The following NFIC variants were observed in gnomAD, a reference collection of about 807,000 sequenced individuals.
The protein encoded by NFIC is nuclear factor I C.
In NFIC, 12 loss-of-function variants were observed where a neutral mutation model predicts 54.4. The observed-to-expected ratio is 0.22, with a 90% CI of 0.14 to 0.36. The LOEUF is 0.36. NFIC is among the 10% of genes least tolerant of loss of function. The pLI is 1.00. For synonymous variants in NFIC, 322 were observed against 319.2 expected, an observed-to-expected ratio of 1.01 and a Z score of -0.09; for missense variants, 575 against 718.2, an observed-to-expected ratio of 0.80 and a Z score of 2.28.
At chr19:3,428,955 G>A (rs1218449680) in intron 3 of NFIC, among the ~76,000 whole-genome samples, 1 of 151,970 alleles carries the variant, frequency 6.6e-6, no homozygotes, top group African/African-American at 2.4e-5. Context: ...TCCCAGCGCG[G>A]GGCAGGGTTG....
At chr19:3,359,659 G>GCCTCGCCT in exon 1 of NFIC, 1 of 1,400,276 alleles carries the variant, frequency 7.1e-7, no homozygotes, top group Non-Finnish European at 9.4e-7. Flanking sequence ...TCCGGCGCCG[G>GCCTCGCCT]CCTCGCCTCC....
chr19:3,405,501 T>G (rs2081633650), intron 2 of NFIC, among the ~76,000 whole-genome samples: 1 of 152,136 alleles, frequency 6.6e-6, no homozygotes, highest in Non-Finnish European at 1.5e-5. Context: ...TGACAGCTGC[T>G]TCCCTCCTTA....
chr19:3,403,415 A>C (rs1390549928), intron 2 of NFIC, among the ~76,000 whole-genome samples: 1 of 152,178 alleles, frequency 6.6e-6, no homozygotes, highest in Non-Finnish European at 1.5e-5. Flanking sequence ...AGAACACTCC[A>C]CAATCTGATG....
At chr19:3,417,891 G>A (rs1172303049) in intron 2 of NFIC, among the ~76,000 whole-genome samples, 1 of 150,744 alleles carries the variant, frequency 6.6e-6, no homozygotes, top group Non-Finnish European at 1.5e-5. Flanking sequence ...GCCCGCCTCG[G>A]CCTGTCAGAG....
chr19:3,440,176 T>A lies in NFIC; in HGVS notation c.958+4969T>A, dbSNP rs550896400. 2.6e-3 allele frequency among the ~76,000 whole-genome samples: 399 copies of A among 151,664 alleles called. 1 individual carries two copies. Among genetic ancestry groups the A allele is most frequent in the African/African-American group, 9.2e-3 (381 of 41,314 alleles). The stretch of plus-strand genomic sequence containing the variant: ...GCAGGGAGAATCGTGGTTTGAGGAG[T>A]TGCACTGTGGATGTTTGGGGCCAGA... On this transcript the variant is annotated intron_variant, in intron 6 of 10. Transcript: ENST00000443272.
chr19:3,414,659 C>G (rs2081822435), intron 2 of NFIC, among the ~76,000 whole-genome samples: 2 of 150,798 alleles, frequency 1.3e-5, no homozygotes, highest in Non-Finnish European at 2.9e-5. Flanking sequence ...AAGGAAAAGA[C>G]CATACTTAGC....
chr19:3,453,758 C>T lies in NFIC; in HGVS notation c.1270-5C>T. Reference sequence around the variant, plus strand: ...CCTTAACCACGTGTCTCTCTGTTCCCCCAGTTAAATGGAAGTGGTCAGCTC... The same window carrying T: ...CCTTAACCACGTGTCTCTCTGTTCCTCCAGTTAAATGGAAGTGGTCAGCTC... On this transcript the variant is annotated splice_polypyrimidine_tract_variant and splice_region_variant and intron_variant, in intron 8 of 10. Transcript: ENST00000443272. This position sits in a 1 kb window ranked among gnomAD's most constrained non-coding sequence, Gnocchi z 6.7. 3.1e-6 allele frequency: 5 copies of T among 1,599,844 alleles called. No homozygotes were observed. Among genetic ancestry groups the T allele is most frequent in the Non-Finnish European group, 3.4e-6 (4 of 1,174,396 alleles).
rs1438512273 is a variant in NFIC, at chr19:3,466,558, C to G, written c.*3789C>G. The stretch of plus-strand genomic sequence containing the variant: ...TCCCCAGGCGATACAGAGGGAGAGC[C>G]CAGACCACCACAGCTGGCCACGACA... On this transcript the variant is annotated 3_prime_UTR_variant, in exon 11 of 11. Coordinates refer to ENST00000443272, the MANE Select transcript of NFIC (RefSeq NM_001245002.2). This position sits in a 1 kb window ranked among gnomAD's most constrained non-coding sequence, Gnocchi z 4.8. The G allele has an allele frequency of 6.6e-6, 1 of 152,248 alleles. No individual in the cohort carries two copies. Among genetic ancestry groups the G allele is most frequent in the Non-Finnish European group, 1.5e-5 (1 of 68,092 alleles). 9.4% of individuals were successfully genotyped at this position (152,248 alleles called of 1,614,324 possible).
At chr19:3,398,671 G>T (rs1326436792) in intron 2 of NFIC, among the ~76,000 whole-genome samples, 1 of 151,906 alleles carries the variant, frequency 6.6e-6, no homozygotes, top group East Asian at 1.9e-4. Context: ...GGGTGGCTAC[G>T]ACGCTCCCGT....
chr19:3,363,271 T>A (rs1041423230), upstream of NFIC, among the ~76,000 whole-genome samples: 377 of 31,162 alleles, frequency 0.012, no homozygotes, highest in Non-Finnish European at 0.018. Context: ...ATATATATAT[T>A]TTTTTTTTTT....
intron 2 of NFIC, among the ~76,000 whole-genome samples, chr19:3,418,830 C>A (rs968027245): frequency 2.0e-5 from 3 of 151,954 alleles, no homozygotes; most frequent in Non-Finnish European, 2.9e-5. Context: ...CCAGCCTGGG[C>A]AACACGGCAA....
At chr19:3,394,463 G>C (rs2145513103) in intron 2 of NFIC, among the ~76,000 whole-genome samples, 1 of 145,064 alleles carries the variant, frequency 6.9e-6, no homozygotes, top group Admixed American at 7.1e-5. Context: ...CTGGGTGACA[G>C]AGCAAGACTT....
Position 3,462,871 on chromosome 19 carries a change from C to G in NFIC, c.*102C>G, listed in dbSNP as rs755136047. 39 of 1,602,542 alleles carry G rather than the reference C, an allele frequency of 2.4e-5. No homozygotes were observed. The highest frequency in any genetic ancestry group is 1.8e-5 in the Non-Finnish European group (21 of 1,176,596). On this transcript the variant is annotated 3_prime_UTR_variant, in exon 11 of 11. Transcript: ENST00000443272. ...GTTTTCGGTGGAAAATTAGAGTGAA[C>G]AAGAACACCCCTGCCGACTCCCAGC...
At position 3,452,637 on chromosome 19, in the gene NFIC, T is replaced by G; in HGVS notation, c.1240T>G (p.Cys414Gly). 1 of 1,611,366 alleles carries G rather than the reference T, an allele frequency of 6.2e-7. No homozygotes were observed. Among genetic ancestry groups the G allele is most frequent in the African/African-American group, 1.3e-5 (1 of 74,994 alleles). Residue 414 changes from cysteine (C) to glycine (G), a missense_variant, in exon 8 of 11, where the codon TGC becomes GGC. Cys to Gly is a radical substitution (Grantham distance 159). Transcript: ENST00000443272. The surrounding 1 kb of genome is among the most constrained non-coding windows in gnomAD (Gnocchi z 5.3). ...GCTCAAAGATCTTGTCTCGCTGGCC[T>G]GCGACCCAGCCAGCCAGCAACCTGG... ...DPLKDLVSLA[C>G]DPASQQPGPL... is the part of the protein sequence containing the mutation.
chr19:3,463,545 G>A lies in NFIC; in HGVS notation c.*776G>A. 2 of 984,424 alleles carry A rather than the reference G, an allele frequency of 2.0e-6. No individual in the cohort carries two copies. Among genetic ancestry groups the A allele is most frequent in the East Asian group, 1.2e-4 (1 of 8,654 alleles). The allele number at this position is 984,424 out of a possible 1,614,324, so 61.0% of individuals were successfully genotyped here. ...CCCCTCCCAAAGCGCCGGCCGACTC[G>A]CTGTCTCGCTGGGGACTCTTTCAGC... On this transcript the variant is annotated 3_prime_UTR_variant, in exon 11 of 11. Transcript: ENST00000443272.
At chr19:3,431,353 CCTT>C (rs2082117206) in intron 3 of NFIC, among the ~76,000 whole-genome samples, 6 of 142,772 alleles carry the variant, frequency 4.2e-5, no homozygotes, top group Non-Finnish European at 7.6e-5. Context: ...TTTTTCTTTT[CCTT>C]CTTCTTTTTT....
intron 2 of NFIC, among the ~76,000 whole-genome samples, chr19:3,397,452 G>A (rs1370599828): frequency 6.6e-6 from 1 of 152,208 alleles, no homozygotes; most frequent in African/African-American, 2.4e-5. Context: ...GCCAGGCTGG[G>A]GGCTGGGCAG....
At chr19:3,362,555 C>G (rs55901633), upstream of NFIC, among the ~76,000 whole-genome samples, 1 of 151,280 alleles carries the variant, frequency 6.6e-6, no homozygotes, top group East Asian at 1.9e-4. Context: ...AGCTGTGTGT[C>G]GTGTGGAGTC....
In NFIC at chr19:3,389,972, G is replaced by A. The variant is rs184025223; in HGVS notation, c.562+7729G>A. 4.2e-3 allele frequency among the ~76,000 whole-genome samples: 646 copies of A among 152,318 alleles called. 2 individuals carry two copies. Among genetic ancestry groups the A allele is most frequent in the Middle Eastern group, 0.024 (7 of 294 alleles). On this transcript the variant is annotated intron_variant, in intron 2 of 10. Transcript: ENST00000443272. ...GCGCTCCAGCCTGGGCAACAAGAGT[G>A]AAACTCTGTCCCAAAAACAAAACAA... is the stretch of plus-strand genomic sequence containing the variant.
Sources: allele counts gnomAD v4.1 joint callset (sites outside exome capture counted in the v4.1 genomes callset), GRCh38; gene constraint gnomAD v4.1.1; non-coding constraint Gnocchi (gnomAD v3.1); transcripts MANE v1.5; gene names NCBI Gene and HGNC (gene_info 2026-07-23, HGNC 2026-07-21).